The following SYCP2 variants were observed in gnomAD, a reference collection of about 807,000 sequenced individuals.
SYCP2 encodes synaptonemal complex protein 2.
A neutral mutation model predicts 211.3 loss-of-function variants in SYCP2; 55 were observed. The observed-to-expected ratio is 0.26, with a 90% CI of 0.21 to 0.33. The LOEUF (loss-of-function observed/expected upper bound fraction) is 0.33, where lower values mean the gene tolerates loss of function less well. Among genes scored for constraint, SYCP2 ranks in the 10% least tolerant of loss-of-function variants. The pLI is 1.00. For missense variants in SYCP2, 1,731 were observed against 1,752.0 expected (o/e 0.99, Z 0.21); for synonymous variants, 570 against 555.2 (o/e 1.03, Z -0.37).
chr20:59,895,303 T>A, intron 20 of SYCP2, 134 bp downstream of exon 20: 1 of 681,596 alleles, frequency 1.5e-6, no homozygotes, highest in Non-Finnish European at 2.3e-6. Context: ...TCAAGGGCAA[T>A]AAATATTTAG....
At chr20:59,921,161 A>G in intron 4 of SYCP2, 149 bp downstream of exon 4, 1 of 558,080 alleles carries the variant, frequency 1.8e-6, no homozygotes, top group African/African-American at 2.0e-5. Flanking sequence ...ACAAACAATA[A>G]TAAGCAAATG....
intron 24 of SYCP2, among the ~76,000 whole-genome samples, chr20:59,890,097 C>CGT (rs2059875367): frequency 1.3e-5 from 2 of 152,230 alleles, no homozygotes; most frequent in African/African-American, 4.8e-5. Flanking sequence ...GACACATGCA[C>CGT]ATGTATGTTT....
At chr20:59,912,090 G>C (rs967778189) in intron 13 of SYCP2, 11 of 400,296 alleles carry the variant, frequency 2.7e-5, no homozygotes, top group African/African-American at 2.3e-4. Context: ...AAGGTTGAAA[G>C]TACTAGTTTG....
At position 59,886,136 on chromosome 20, in the gene SYCP2, TTATAA is replaced by T. The variant is rs375689619; in HGVS notation, c.2493-177_2493-173del. On this transcript the variant is annotated intron_variant, in intron 25 of 44. Transcript: ENST00000357552. ...CTACTTCACTCACAGTAAACAGCAC[TTATAA>T]TAGAGCATTCGAAGCTGAATCATTA... Among the ~76,000 whole-genome samples, 357 of 152,170 alleles carry T rather than the reference TTATAA, an allele frequency of 2.3e-3. 1 individual carries two copies. Among genetic ancestry groups the T allele is most frequent in the African/African-American group, 8.3e-3 (343 of 41,552 alleles).
Position 59,865,817 on chromosome 20 carries a change from C to T in SYCP2, c.4369G>A (p.Glu1457Lys), listed in dbSNP as rs2059321000. The change falls in exon 42 of 45, where the codon GAA becomes AAA. Residue 1457 changes from glutamate (E) to lysine (K), a missense_variant. This residue lies in a region of SYCP2 where 1,387 missense variants were observed against 1,351.3 expected (regional missense o/e 1.03). Coordinates refer to ENST00000357552, the MANE Select transcript of SYCP2 (RefSeq NM_014258.4). ...FQKFSAYQKSEQQRLHLLKTS... is the reference protein window; with the variant it reads ...FQKFSAYQKSKQQRLHLLKTS... Reference sequence around the variant, plus strand: ...GAATGTCATACTAACCTCTGTTGTTCGCTTTTTTGATATGCACTGAACTTC... The same window carrying T: ...GAATGTCATACTAACCTCTGTTGTTTGCTTTTTTGATATGCACTGAACTTC... 2.8e-6 allele frequency: 4 copies of T among 1,433,352 alleles called. No homozygotes were observed. The highest frequency in any genetic ancestry group is 4.3e-4 in the Middle Eastern group (2 of 4,700). The allele number at this position is 1,433,352 out of a possible 1,614,324, so 88.8% of individuals were successfully genotyped here.
intron 14 of SYCP2, among the ~76,000 whole-genome samples, chr20:59,908,901 C>T (rs551225468): frequency 6.6e-6 from 1 of 152,248 alleles, no homozygotes; most frequent in African/African-American, 2.4e-5. Flanking sequence ...CCACATGTCA[C>T]GCTCTTTCCT....
chr20:59,896,583 A>G, intron 18 of SYCP2, 55 bp from the exon 19 acceptor site: 1 of 916,032 alleles, frequency 1.1e-6, no homozygotes, highest in Non-Finnish European at 1.8e-6. Context: ...GAAATTAAAT[A>G]TCCTACAATT....
At chr20:59,920,261 C>A (rs1435674740) in intron 5 of SYCP2, 98 bp downstream of exon 5, 3 of 1,105,964 alleles carry the variant, frequency 2.7e-6, no homozygotes, top group Non-Finnish European at 2.5e-6. Context: ...ACATAAAGTT[C>A]CTAAATTTAT....
intron 12 of SYCP2, among the ~76,000 whole-genome samples, chr20:59,913,060 T>A (rs1432132543): frequency 1.3e-5 from 2 of 152,212 alleles, no homozygotes; most frequent in African/African-American, 2.4e-5. Context: ...CAGTGTGCTA[T>A]CAAATATGAG....
chr20:59,877,736 C>T (rs948760539), intron 32 of SYCP2, among the ~76,000 whole-genome samples, 181 bp from the exon 33 acceptor site: 5 of 152,110 alleles, frequency 3.3e-5, no homozygotes, highest in East Asian at 1.9e-4. Context: ...TCTTTACCAT[C>T]TCTGTATCCC....
chr20:59,931,646 T>C (rs941043875), intron 2 of SYCP2, among the ~76,000 whole-genome samples: 6 of 152,196 alleles, frequency 3.9e-5, no homozygotes, highest in Non-Finnish European at 7.3e-5. Context: ...TTTTACAAAA[T>C]GCCCTGAGAC....
Position 59,933,635 on chromosome 20 carries a change from T to TGCGCCTCAGGGACCGCCGCA in SYCP2, c.-207_-206insTGCGGCGGTCCCTGAGGCGC, listed in dbSNP as rs1192507658. 2.6e-4 allele frequency: 39 copies of TGCGCCTCAGGGACCGCCGCA among 152,090 alleles called. No individual in the cohort carries two copies. The highest frequency in any genetic ancestry group is 9.4e-4 in the African/African-American group (39 of 41,478). 9.4% of individuals were successfully genotyped at this position (152,090 alleles called of 1,614,324 possible). On this transcript the variant is annotated 5_prime_UTR_variant, in exon 1 of 45. Transcript: ENST00000357552. Reference sequence around the variant, plus strand: ...CCTATGCCGCCGAGCGTCGCAACTCTGCGCCTCAGGGACCGCCGCAGCGCC... The same window carrying TGCGCCTCAGGGACCGCCGCA: ...CCTATGCCGCCGAGCGTCGCAACTCTGCGCCTCAGGGACCGCCGCAGCGCCTCAGGGACCGCCGCAGCGCC...
chr20:59,932,791 G>A (rs780998794), intron 1 of SYCP2, among the ~76,000 whole-genome samples: 1 of 152,168 alleles, frequency 6.6e-6, no homozygotes, highest in Non-Finnish European at 1.5e-5. Flanking sequence ...GAGCCGCCGC[G>A]GGACGCATCA....
At chr20:59,920,315 A>G (rs767281765) in intron 5 of SYCP2, 44 bp downstream of exon 5, 4 of 1,455,300 alleles carry the variant, frequency 2.7e-6, no homozygotes, top group Admixed American at 4.1e-5. Context: ...CATATCTTTT[A>G]TAATATTTCA....
At chr20:59,906,920 G>A (rs113883288) in intron 15 of SYCP2, among the ~76,000 whole-genome samples, 82 of 152,120 alleles carry the variant, frequency 5.4e-4, no homozygotes, top group African/African-American at 1.9e-3. Context: ...ACTAGTCATT[G>A]GAAAAATGCA....
chr20:59,922,991 T>C (rs2060569463), intron 2 of SYCP2, among the ~76,000 whole-genome samples: 5 of 151,928 alleles, frequency 3.3e-5, no homozygotes, highest in Admixed American at 6.6e-5. Flanking sequence ...TCCCAGTTTC[T>C]GGTTGAATGC....
chr20:59,881,962 G>C lies in SYCP2; in HGVS notation c.2641C>G (p.Pro881Ala). 2 of 1,612,038 alleles carry C rather than the reference G, an allele frequency of 1.2e-6. No homozygotes were observed. Among genetic ancestry groups the C allele is most frequent in the Non-Finnish European group, 8.5e-7 (1 of 1,179,026 alleles). ...YNFNLNGADDPIIKLGIQEFQ... is the reference protein window; with the variant it reads ...YNFNLNGADDAIIKLGIQEFQ... ...TAGCTTACTCCAAGTTTTATGATAGGGTCATCAGCTCCATTCAAATTAAAA... is the reference window on the plus strand; with the variant it reads ...TAGCTTACTCCAAGTTTTATGATAGCGTCATCAGCTCCATTCAAATTAAAA... The change falls in exon 28 of 45, where the codon CCT becomes GCT. Residue 881 changes from proline to alanine, a missense_variant. Pro to Ala is a conservative substitution (Grantham distance 27, BLOSUM62 -1). Transcript: ENST00000357552.
intron 2 of SYCP2, 47 bp from the exon 3 acceptor site, chr20:59,922,506 G>GT: frequency 1.0e-6 from 1 of 973,402 alleles, no homozygotes; most frequent in South Asian, 1.7e-5. Context: ...TCTGTTTCAT[G>GT]TGTTTATCAG....
intron 7 of SYCP2, among the ~76,000 whole-genome samples, chr20:59,917,965 T>C (rs2060473720): frequency 6.6e-6 from 1 of 152,252 alleles, no homozygotes; most frequent in African/African-American, 2.4e-5. Flanking sequence ...GAATCTATCA[T>C]GTTTTATTAA....
Sources: gnomAD v4.1 joint callset for allele counts (sites outside exome capture counted in the v4.1 genomes callset) on GRCh38, gnomAD v4.1.1 for gene constraint, gnomAD v4.1.1 regional missense constraint, MANE v1.5 for transcripts, NCBI Gene and HGNC (gene_info 2026-07-23, HGNC 2026-07-21) for gene names.